Variants in DNAH14 observed in about 807,000 individuals in gnomAD.
DNAH14 encodes axonemal beta dynein heavy chain 14.
DNAH14 carries 478 observed loss-of-function variants against 520.9 expected under a neutral mutation model. The observed-to-expected ratio is 0.92, with a 90% CI of 0.85 to 0.99. The LOEUF (loss-of-function observed/expected upper bound fraction) is 0.99, where lower values mean the gene tolerates loss of function less well. Ranked by LOEUF, DNAH14 falls within the 50% of genes least tolerant of loss-of-function variation. The pLI is 0.00. For missense variants in DNAH14, 4,831 were observed against 5,234.5 expected, an observed-to-expected ratio of 0.92 and a Z score of 2.38; for synonymous variants, 1,581 against 1,757.2, an observed-to-expected ratio of 0.90 and a Z score of 2.51.
At chr1:225,178,449 C>T (rs570506633) in intron 36 of DNAH14, among the ~76,000 whole-genome samples, 25 of 152,206 alleles carry the variant, frequency 1.6e-4, no homozygotes, top group South Asian at 6.2e-4. Context: ...AAGGGAAAGA[C>T]GAGCCCCCAT....
At position 225,080,531 on chromosome 1, in the gene DNAH14, G is replaced by A. The variant is rs2073000397; in HGVS notation, c.2919G>A (p.Met973Ile). The change falls in exon 19 of 86, where the codon ATG (methionine) becomes ATA (isoleucine). Residue 973 changes from methionine to isoleucine, a missense_variant. Met to Ile is a conservative substitution (Grantham distance 10, BLOSUM62 1). Coordinates refer to ENST00000682510, the MANE Select transcript of DNAH14 (RefSeq NM_001367479.1). ...GTTTCAGTGATTCTCAATCTCATAT[G>A]CATTCTGTTAATGTGGAAGAAATTA... ...QDCFSDSQSH[M>I]HSVNVEEITQ... is the part of the protein sequence containing the mutation. The A allele has an allele frequency of 1.3e-6, 2 of 1,551,890 alleles. No individual in the cohort carries two copies. The highest frequency in any genetic ancestry group is 1.7e-6 in the Non-Finnish European group (2 of 1,147,030).
At chr1:225,069,949 C>G (rs1453411908) in intron 17 of DNAH14, among the ~76,000 whole-genome samples, 1 of 151,968 alleles carries the variant, frequency 6.6e-6, no homozygotes, top group Admixed American at 6.6e-5. Context: ...GTGTGTGTGT[C>G]CAGGAATGTA....
rs41303992 is a variant in DNAH14 at position 225,331,510 on chromosome 1, G to A, written c.9797G>A (p.Arg3266Gln). ...TVAEKQLLAN[R>Q]KTMASRRFQC... ...GCTGAAAAACAACTATTAGCAAATC[G>A]GAAAACAATGGCCAGCAGGCGCTTT... Residue 3266 changes from arginine to glutamine, a missense_variant, in exon 65 of 86, where the codon CGG (arginine) becomes CAG (glutamine). Transcript: ENST00000682510. 3.4e-3 allele frequency: 5,257 copies of A among 1,551,254 alleles called. 19 individuals carry two copies. Among genetic ancestry groups the A allele is most frequent in the Non-Finnish European group, 3.9e-3 (4,447 of 1,146,786 alleles).
intron 36 of DNAH14, among the ~76,000 whole-genome samples, chr1:225,181,753 C>G (rs559394576): frequency 6.6e-6 from 1 of 152,094 alleles, no homozygotes; most frequent in South Asian, 2.1e-4. Flanking sequence ...TTGTCAGATG[C>G]ATGGTTTGCA....
At chr1:225,293,839 A>G (rs879603145) in intron 55 of DNAH14, among the ~76,000 whole-genome samples, 1 of 151,990 alleles carries the variant, frequency 6.6e-6, no homozygotes, top group African/African-American at 2.4e-5. Flanking sequence ...TTAAAAAAAG[A>G]GTTTTTTGGT....
rs1220419141 is a variant in DNAH14, at chr1:224,955,031, A to T, written c.150A>T (p.Glu50Asp). The T allele has an allele frequency of 1.9e-6, 3 of 1,611,962 alleles. No homozygotes were observed. The South Asian group carries it at 3.3e-5, about 18-fold the overall frequency. The stretch of plus-strand genomic sequence containing the variant: ...AGACTCAACCAGCTGAAATAGCAGA[A>T]AAGGAAACATTGGAATATAAAACAG... ...PLETQPAEIA[E>D]KETLEYKTVR... is the part of the protein sequence containing the mutation. Residue 50 changes from glutamate (E) to aspartate (D), a missense_variant, in exon 3 of 86, where the codon GAA (glutamate) becomes GAT (aspartate). Coordinates refer to ENST00000682510, the MANE Select transcript of DNAH14 (RefSeq NM_001367479.1).
chr1:225,241,654 C>G (rs977392318), intron 43 of DNAH14, among the ~76,000 whole-genome samples: 1 of 152,124 alleles, frequency 6.6e-6, no homozygotes, highest in African/African-American at 2.4e-5. Context: ...ATATGTACAG[C>G]ATGTTACTCT....
At chr1:225,119,605 T>G (rs2077137176) in intron 26 of DNAH14, among the ~76,000 whole-genome samples, 1 of 152,256 alleles carries the variant, frequency 6.6e-6, no homozygotes, top group Admixed American at 6.5e-5. Context: ...ATCTGAACTC[T>G]GCTCAGTAGG....
At chr1:225,206,468 A>G (rs973848442) in intron 40 of DNAH14, among the ~76,000 whole-genome samples, 4 of 152,182 alleles carry the variant, frequency 2.6e-5, no homozygotes, top group African/African-American at 9.7e-5. Context: ...TTATTTTTTC[A>G]ATAGAGGAAG....
intron 23 of DNAH14, 75 bp downstream of exon 23, chr1:225,100,959 G>C (rs1226426151): frequency 2.4e-5 from 29 of 1,213,290 alleles, no homozygotes; most frequent in Non-Finnish European, 2.7e-5. Flanking sequence ...GTAATCTACT[G>C]CAGAAGCTAA....
chr1:225,264,665 A>AGCC (rs923454901), intron 47 of DNAH14, among the ~76,000 whole-genome samples: 2 of 152,118 alleles, frequency 1.3e-5, no homozygotes, highest in African/African-American at 4.8e-5. Context: ...GAGTTTCAGG[A>AGCC]GCCTCATCCT....
chr1:225,353,705 A>T (rs78467208), intron 72 of DNAH14, 98 bp from the exon 73 acceptor site: 21 of 708,754 alleles, frequency 3.0e-5, no homozygotes, highest in Non-Finnish European at 4.5e-5. Flanking sequence ...AAAAAAAAAA[A>T]GTCACAATTT....
intron 21 of DNAH14, among the ~76,000 whole-genome samples, chr1:225,092,017 G>T (rs2074442628): frequency 6.6e-6 from 1 of 152,024 alleles, no homozygotes; most frequent in African/African-American, 2.4e-5. Context: ...TCAACAAGAA[G>T]ATCTAACTAT....
At chr1:225,164,277 A>G (rs2081828348) in intron 35 of DNAH14, among the ~76,000 whole-genome samples, 1 of 151,938 alleles carries the variant, frequency 6.6e-6, no homozygotes, top group Non-Finnish European at 1.5e-5. Context: ...CCCACTGGTG[A>G]TTTCTTGTCT....
chr1:225,318,862 T>C (rs188787798), intron 61 of DNAH14, among the ~76,000 whole-genome samples, 185 bp downstream of exon 61: 28 of 152,350 alleles, frequency 1.8e-4, no homozygotes, highest in South Asian at 1.2e-3. Context: ...ATATACTGTA[T>C]CTTATCAATT....
chr1:225,335,533 G>GTATA (rs2094957498), intron 66 of DNAH14, among the ~76,000 whole-genome samples: 1 of 110,632 alleles, frequency 9.0e-6, no homozygotes, highest in African/African-American at 4.3e-5. Context: ...ATATACATAT[G>GTATA]TACATATATA....
intron 71 of DNAH14, among the ~76,000 whole-genome samples, chr1:225,347,625 G>T (rs1347977950): frequency 6.6e-6 from 1 of 152,174 alleles, no homozygotes; most frequent in Non-Finnish European, 1.5e-5. Context: ...CAGCACATTA[G>T]ACCTGCAGTT....
At position 225,207,193 on chromosome 1, in the gene DNAH14, A is replaced by G. The variant is rs1351114301; in HGVS notation, c.6412A>G (p.Met2138Val). 1 of 1,530,556 alleles carries G rather than the reference A, an allele frequency of 6.5e-7. No individual in the cohort carries two copies. The highest frequency in any genetic ancestry group is 8.8e-7 in the Non-Finnish European group (1 of 1,137,128). 94.8% of individuals were successfully genotyped at this position (1,530,556 alleles called of 1,614,324 possible). A position where few individuals can be genotyped will look rare whatever the true frequency, so the allele number is the denominator to read the frequency against. Reference sequence around the variant, plus strand: ...AATTCTTGATGCTTTCTTTGACTTCATGGGTAAAAATGGAGGATTTGAACA... The same window carrying G: ...AATTCTTGATGCTTTCTTTGACTTCGTGGGTAAAAATGGAGGATTTGAACA... Reference protein sequence around the residue: ...CRILDAFFDFMGKNGGFEQSD... With the variant: ...CRILDAFFDFVGKNGGFEQSD... The change falls in exon 41 of 86, where the codon ATG becomes GTG. Residue 2138 changes from methionine (M) to valine (V), a missense_variant. Coordinates refer to ENST00000682510, the MANE Select transcript of DNAH14 (RefSeq NM_001367479.1).
intron 8 of DNAH14, among the ~76,000 whole-genome samples, chr1:224,983,448 T>C (rs1271448264): frequency 2.0e-5 from 3 of 152,080 alleles, no homozygotes; most frequent in Non-Finnish European, 4.4e-5. Flanking sequence ...GCCAACATAA[T>C]ACTGAATGGG....
Sources: allele counts gnomAD v4.1 joint callset (sites outside exome capture counted in the v4.1 genomes callset), GRCh38; gene constraint gnomAD v4.1.1; transcripts MANE v1.5; gene names NCBI Gene and HGNC (gene_info 2026-07-23, HGNC 2026-07-21).